TENM1: variants seen among roughly 807,000 people sequenced by gnomAD.
TENM1 encodes teneurin transmembrane protein 1, also known as teneurin-1.
TENM1 carries 35 observed loss-of-function variants against 174.8 expected under a neutral mutation model. That is an observed-to-expected ratio of 0.20 (90% CI 0.15 to 0.27). TENM1 has a LOEUF of 0.27. TENM1 is among the 10% of genes least tolerant of loss of function. TENM1 has a pLI of 1.00. For missense variants in TENM1, 1,633 were observed against 2,130.1 expected (o/e 0.77, Z 4.59); for synonymous variants, 781 against 798.7 (o/e 0.98, Z 0.37).
At chrX:124,649,457 C>A (rs774113748) in intron 8 of TENM1, among the ~76,000 whole-genome samples, 1 of 112,451 alleles carries the variant, frequency 8.9e-6, no homozygotes, top group Non-Finnish European at 1.9e-5. Context: ...TCTTTTCAAG[C>A]CTCCATTCAG....
the TENM1 span, among the ~76,000 whole-genome samples, chrX:125,089,805 T>C: frequency 9.0e-6 from 1 of 111,465 alleles, no homozygotes; most frequent in African/African-American, 3.3e-5. Context: ...AGTCAAGTGG[T>C]GAACATGGCC....
chrX:124,572,983 T>C (rs1053659983), intron 11 of TENM1, among the ~76,000 whole-genome samples: 1 of 111,383 alleles, frequency 9.0e-6, no homozygotes, highest in Non-Finnish European at 1.9e-5. Context: ...TATCCCATCA[T>C]AGAGCTTGAA....
At chrX:124,453,882 G>A (rs958125491) in intron 22 of TENM1, among the ~76,000 whole-genome samples, 4 of 111,310 alleles carry the variant, frequency 3.6e-5, no homozygotes, top group African/African-American at 9.8e-5. Context: ...TTATTTTCAC[G>A]ATTGCATTAG....
At chrX:124,395,242 A>T (rs1389145173) in intron 27 of TENM1, among the ~76,000 whole-genome samples, 2 of 111,634 alleles carry the variant, frequency 1.8e-5, no homozygotes, top group Non-Finnish European at 3.8e-5. Context: ...ATTACTACTG[A>T]GGCTGAACAC....
intron 3 of TENM1, among the ~76,000 whole-genome samples, chrX:124,782,887 T>C (rs1205375550): frequency 2.7e-5 from 3 of 111,886 alleles, no homozygotes; most frequent in African/African-American, 9.7e-5. Context: ...ATTTTTCATA[T>C]ACATTATTTC....
the TENM1 span, among the ~76,000 whole-genome samples, chrX:125,156,494 T>C: frequency 8.9e-6 from 1 of 112,227 alleles, no homozygotes; most frequent in Non-Finnish European, 1.9e-5. Flanking sequence ...AACTTATAAG[T>C]GAGAACATGT....
chrX:125,045,213 C>T, the TENM1 span, among the ~76,000 whole-genome samples: 1 of 111,426 alleles, frequency 9.0e-6, no homozygotes, highest in African/African-American at 3.3e-5. Flanking sequence ...CCCCCATGAT[C>T]CAGTCACAGG....
intron 3 of TENM1, among the ~76,000 whole-genome samples, chrX:124,849,340 T>C (rs1464662548): frequency 9.0e-6 from 1 of 111,087 alleles, no homozygotes; most frequent in Non-Finnish European, 1.9e-5. Flanking sequence ...TGGTGGGATA[T>C]CACTCTCACA....
At chrX:124,536,439 T>C (rs1239125267) in intron 15 of TENM1, among the ~76,000 whole-genome samples, 1 of 111,510 alleles carries the variant, frequency 9.0e-6, no homozygotes. Flanking sequence ...TCTAGGACTC[T>C]GGGAAAGGTG....
At chrX:124,671,596 A>T in intron 6 of TENM1, 87 bp downstream of exon 9, 2 of 911,534 alleles carry the variant, frequency 2.2e-6, no homozygotes, top group Non-Finnish European at 3.1e-6. Context: ...CATGAAATTT[A>T]ATGTGAAGTG....
chrX:124,952,361 TG>T (rs1276488413), intron 1 of TENM1, among the ~76,000 whole-genome samples: 4 of 110,163 alleles, frequency 3.6e-5, no homozygotes. Flanking sequence ...TGTGTGTGTG[TG>T]TGTGTGTATG....
intron 3 of TENM1, among the ~76,000 whole-genome samples, chrX:124,847,645 T>C (rs2056635745): frequency 8.9e-6 from 1 of 111,806 alleles, no homozygotes; most frequent in South Asian, 3.7e-4. Flanking sequence ...CAAAAGAGAA[T>C]AAATAAATGG....
intron 11 of TENM1, among the ~76,000 whole-genome samples, chrX:124,598,279 T>C (rs1041430427): frequency 9.0e-6 from 1 of 111,394 alleles, no homozygotes; most frequent in Non-Finnish European, 1.9e-5. Context: ...ACACTGTTGG[T>C]GGGAAGGTAA....
intron 11 of TENM1, among the ~76,000 whole-genome samples, chrX:124,599,335 A>G (rs932147893): frequency 5.4e-5 from 6 of 111,397 alleles, no homozygotes; most frequent in African/African-American, 2.0e-4. Flanking sequence ...AGACCTGTTA[A>G]CCTGAGGTGC....
chrX:124,500,602 C>T (rs1290399770), intron 19 of TENM1, among the ~76,000 whole-genome samples: 2 of 111,415 alleles, frequency 1.8e-5, no homozygotes, highest in African/African-American at 6.5e-5. Flanking sequence ...TTACAGTTAA[C>T]GAAACCCCAC....
chrX:125,157,986 T>TCTCAAAAAAAAAAAAAAAA, the TENM1 span, among the ~76,000 whole-genome samples: 1 of 111,701 alleles, frequency 9.0e-6, no homozygotes, highest in East Asian at 2.8e-4. Context: ...AATATGAGGA[T>TCTCAAAAAAAAAAAAAAAA]AACTTTCTAA....
At chrX:125,155,937 C>T in the TENM1 span, among the ~76,000 whole-genome samples, 3 of 112,887 alleles carry the variant, frequency 2.7e-5, no homozygotes, top group Non-Finnish European at 3.8e-5. Flanking sequence ...AAGGGCTCCT[C>T]AGGTGCCGCC....
the TENM1 span, among the ~76,000 whole-genome samples, chrX:125,144,165 C>T: frequency 3.7e-4 from 41 of 111,263 alleles, no homozygotes; most frequent in African/African-American, 1.3e-3. Flanking sequence ...AGAGATGGCT[C>T]AATATTCACA....
chrX:124,567,151 T>C (rs757737371), intron 11 of TENM1, among the ~76,000 whole-genome samples: 2 of 111,815 alleles, frequency 1.8e-5, no homozygotes, highest in East Asian at 5.6e-4. Context: ...CCCTAAGATA[T>C]ATGTAAAAAG....
Sources: gnomAD v4.1 joint callset for allele counts (sites outside exome capture counted in the v4.1 genomes callset) on GRCh38, gnomAD v4.1.1 for gene constraint, MANE v1.5 for transcripts, NCBI Gene and HGNC (gene_info 2026-07-23, HGNC 2026-07-21) for gene names.